THSD7B: variants seen among roughly 807,000 people sequenced by gnomAD.
THSD7B encodes thrombospondin type 1 domain containing 7B.
Under a neutral mutation model 213.6 loss-of-function variants are expected in THSD7B, and 138 were observed. The ratio of observed to expected loss-of-function variants is 0.65; its 90% CI spans 0.56 to 0.74. THSD7B has a LOEUF of 0.74. Among genes scored for constraint, THSD7B ranks in the 30% least tolerant of loss-of-function variants. The probability of loss-of-function intolerance (pLI) is 0.00; values close to 1 mark genes in which losing one functional copy is unlikely to be tolerated. For synonymous variants in THSD7B, 742 were observed against 687.0 expected (o/e 1.08, Z -1.25); for missense variants, 1,931 against 1,991.5 (o/e 0.97, Z 0.58).
intron 2 of THSD7B, among the ~76,000 whole-genome samples, chr2:136,885,760 G>A (rs909916748): frequency 2.6e-5 from 4 of 152,084 alleles, no homozygotes; most frequent in African/African-American, 4.8e-5. Context: ...AAGTACATGA[G>A]ATAAATTGAT....
At chr2:136,824,721 G>A (rs1682616867) in intron 1 of THSD7B, among the ~76,000 whole-genome samples, 1 of 152,138 alleles carries the variant, frequency 6.6e-6, no homozygotes, top group Non-Finnish European at 1.5e-5. Context: ...AAATGGATAA[G>A]GTGATGAGAT....
intron 1 of THSD7B, among the ~76,000 whole-genome samples, chr2:136,820,810 T>C (rs1682553502): frequency 6.6e-6 from 1 of 152,214 alleles, no homozygotes; most frequent in Admixed American, 6.5e-5. Context: ...AGTAAAACAT[T>C]ATGATGTTGC....
At chr2:136,802,266 G>A (rs570310325) in intron 1 of THSD7B, among the ~76,000 whole-genome samples, 7 of 152,174 alleles carry the variant, frequency 4.6e-5, no homozygotes, top group East Asian at 1.9e-4. Flanking sequence ...GAGAATAGCA[G>A]AGACAATATA....
chr2:136,928,921 C>A (rs1173681729), intron 2 of THSD7B, among the ~76,000 whole-genome samples: 1 of 151,910 alleles, frequency 6.6e-6, no homozygotes, highest in Admixed American at 6.6e-5. Context: ...GAAAATAGTT[C>A]TATAAACATG....
In THSD7B at chr2:137,655,590, G is replaced by T. The variant is rs750398830; in HGVS notation, c.4035G>T (p.Glu1345Asp). The change falls in exon 22 of 28, where the codon GAG becomes GAT. Residue 1345 changes from glutamate to aspartate, a missense_variant. Transcript: ENST00000409968. ...GSISHAAGRV[E>D]DALCGEMPFQ... ...TATCTCATGCAGCTGGACGTGTCGAGGATGCACTGTGTGGAGAAATGCCCT... is the reference window on the plus strand; with the variant it reads ...TATCTCATGCAGCTGGACGTGTCGATGATGCACTGTGTGGAGAAATGCCCT... 6.2e-7 allele frequency: 1 copy of T among 1,613,044 alleles called. No individual in the cohort carries two copies. The highest frequency in any genetic ancestry group is 8.5e-7 in the Non-Finnish European group (1 of 1,179,580).
chr2:137,624,523 A>C (rs1558863651), intron 20 of THSD7B, among the ~76,000 whole-genome samples: 1 of 152,234 alleles, frequency 6.6e-6, no homozygotes, highest in African/African-American at 2.4e-5. Flanking sequence ...AACTACCATC[A>C]GAGTGAACAG....
intron 1 of THSD7B, among the ~76,000 whole-genome samples, chr2:136,780,375 G>A (rs1681717921): frequency 6.6e-6 from 1 of 152,104 alleles, no homozygotes; most frequent in South Asian, 2.1e-4. Context: ...CCTCCAAAAA[G>A]GCCTAACTCC....
chr2:137,314,576 AG>A (rs1684032909), intron 12 of THSD7B, among the ~76,000 whole-genome samples: 1 of 152,036 alleles, frequency 6.6e-6, no homozygotes, highest in Non-Finnish European at 1.5e-5. Flanking sequence ...GGAGGAGGAG[AG>A]GTGCTCTGCT....
At chr2:136,970,979 G>T (rs1685395084) in intron 2 of THSD7B, among the ~76,000 whole-genome samples, 1 of 152,080 alleles carries the variant, frequency 6.6e-6, no homozygotes, top group Non-Finnish European at 1.5e-5. Flanking sequence ...CATATTTCAA[G>T]AATTTTTTCT....
At chr2:137,389,406 T>C (rs1288990011) in intron 12 of THSD7B, among the ~76,000 whole-genome samples, 25 of 128,948 alleles carry the variant, frequency 1.9e-4, no homozygotes, top group Admixed American at 4.9e-4. Context: ...AATGTGATTT[T>C]TTTTTTTTTT....
chr2:136,848,881 T>C (rs1683051719), intron 1 of THSD7B, among the ~76,000 whole-genome samples: 1 of 112,574 alleles, frequency 8.9e-6, no homozygotes. Context: ...CTCCCTTCTC[T>C]CTCAGTTTTT....
chr2:137,478,673 T>C (rs1688242023), intron 15 of THSD7B, among the ~76,000 whole-genome samples: 1 of 152,236 alleles, frequency 6.6e-6, no homozygotes, highest in South Asian at 2.1e-4. Flanking sequence ...TCTGTGCCTG[T>C]AGTGTAACAG....
chr2:137,319,908 G>T (rs968957362), intron 12 of THSD7B, among the ~76,000 whole-genome samples: 1 of 152,118 alleles, frequency 6.6e-6, no homozygotes, highest in Non-Finnish European at 1.5e-5. Flanking sequence ...TTGCTGATTT[G>T]GCTTGCCCTC....
chr2:137,332,008 G>A lies in THSD7B; in HGVS notation c.2500+55982G>A, dbSNP rs1382539483. ...CCTCTCCCTCCACACCTCCCTGCAA[G>A]CTGAGGGAGCCGGCTCCGGCCTTGG... On this transcript the variant is annotated intron_variant, in intron 12 of 27. Transcript: ENST00000409968. 2.0e-5 allele frequency among the ~76,000 whole-genome samples: 3 copies of A among 152,192 alleles called. No homozygotes were observed. The East Asian group carries it at 5.8e-4, about 29-fold the overall frequency.
intron 4 of THSD7B, among the ~76,000 whole-genome samples, chr2:137,108,977 C>T (rs537948803): frequency 3.7e-4 from 56 of 152,242 alleles, no homozygotes; most frequent in African/African-American, 1.1e-3. Context: ...GCTGCTAATA[C>T]GTGGGTCAAA....
chr2:137,221,517 G>GA (rs1681371773), intron 7 of THSD7B, among the ~76,000 whole-genome samples: 1 of 151,904 alleles, frequency 6.6e-6, no homozygotes, highest in African/African-American at 2.4e-5. Context: ...ATAAATAATG[G>GA]AAAAAAAGAA....
At chr2:136,944,429 G>T (rs1015972262) in intron 2 of THSD7B, among the ~76,000 whole-genome samples, 5 of 152,102 alleles carry the variant, frequency 3.3e-5, no homozygotes, top group African/African-American at 9.7e-5. Context: ...TCAAGTCCTG[G>T]ATATCCTTGT....
At chr2:137,670,762 A>C (rs901372505) in intron 27 of THSD7B, among the ~76,000 whole-genome samples, 2 of 152,028 alleles carry the variant, frequency 1.3e-5, no homozygotes, top group South Asian at 2.1e-4. Context: ...TCTACTAAAA[A>C]TACAAAAAAT....
rs544163387 is a variant in THSD7B at position 137,675,373 on chromosome 2, T to A, written c.4740-1151T>A. ...TTAATTCATATGTGCAGACAAAAAA[T>A]GTCATTTCTACCAAGTGCTAAATGA... On this transcript the variant is annotated intron_variant, in intron 27 of 27. Transcript: ENST00000409968. Among the ~76,000 whole-genome samples the A allele has an allele frequency of 4.1e-5, 6 of 146,974 alleles. No individual in the cohort carries two copies. The East Asian group carries it at 1.2e-3, about 29-fold the overall frequency.
Sources: allele counts gnomAD v4.1 joint callset (sites outside exome capture counted in the v4.1 genomes callset), GRCh38; gene constraint gnomAD v4.1.1; transcripts MANE v1.5; gene names NCBI Gene and HGNC (gene_info 2026-07-23, HGNC 2026-07-21).